The following ERBB4 variants were observed in gnomAD, a reference collection of about 807,000 sequenced individuals.
The protein encoded by ERBB4 is erb-b2 receptor tyrosine kinase 4.
Under a neutral mutation model 158.0 loss-of-function variants are expected in ERBB4, and 42 were observed. That is an observed-to-expected ratio of 0.27 (90% CI 0.21 to 0.34). ERBB4 has a LOEUF of 0.34. ERBB4 is among the 10% of genes least tolerant of loss of function. ERBB4 has a pLI of 1.00. For missense variants in ERBB4, 1,333 were observed against 1,624.1 expected (o/e 0.82, Z 3.08); for synonymous variants, 583 against 558.7 (o/e 1.04, Z -0.61).
At chr2:212,400,821 T>TATA (rs2091180966) in intron 1 of ERBB4, among the ~76,000 whole-genome samples, 1 of 152,176 alleles carries the variant, frequency 6.6e-6, no homozygotes, top group Non-Finnish European at 1.5e-5. Flanking sequence ...AATAAAAAGA[T>TATA]ATAACTCTTG....
intron 16 of ERBB4, among the ~76,000 whole-genome samples, chr2:211,651,159 G>A (rs1422191504): frequency 6.6e-6 from 1 of 152,178 alleles, no homozygotes; most frequent in Admixed American, 6.5e-5. Context: ...GTATATAAAT[G>A]TACAAAGAGA....
At chr2:211,893,098 C>A (rs1172370952) in intron 3 of ERBB4, among the ~76,000 whole-genome samples, 2 of 146,122 alleles carry the variant, frequency 1.4e-5, no homozygotes, top group African/African-American at 5.3e-5. Flanking sequence ...GCCCGCATCG[C>A]CAAGTCAATC....
At chr2:211,386,029 A>G (rs1282424410) in intron 27 of ERBB4, among the ~76,000 whole-genome samples, 1 of 152,220 alleles carries the variant, frequency 6.6e-6, no homozygotes, top group Non-Finnish European at 1.5e-5. Context: ...AAAGGAGAGA[A>G]CATAACCATA....
At chr2:212,052,098 G>T (rs2077415205) in intron 2 of ERBB4, among the ~76,000 whole-genome samples, 2 of 152,144 alleles carry the variant, frequency 1.3e-5, no homozygotes, top group Non-Finnish European at 2.9e-5. Context: ...CTGCAATCTG[G>T]GTAGGCACCA....
In ERBB4 at chr2:212,318,846, T is replaced by C. The variant is rs530753069; in HGVS notation, c.83-193943A>G. Reference sequence around the variant, plus strand: ...CGGTCTTCTTACCTACAACAGCACATAATGAAGGAGACAGAGAAGGTGAAA... The same window carrying C: ...CGGTCTTCTTACCTACAACAGCACACAATGAAGGAGACAGAGAAGGTGAAA... On this transcript the variant is annotated intron_variant, in intron 1 of 27. Transcript: ENST00000342788. Among the ~76,000 whole-genome samples, 158 of 151,698 alleles carry C rather than the reference T, an allele frequency of 1.0e-3. 2 individuals are homozygous for C. The highest frequency in any genetic ancestry group is 3.9e-4 in the East Asian group (2 of 5,116).
intron 16 of ERBB4, among the ~76,000 whole-genome samples, chr2:211,647,527 T>C (rs537272720): frequency 9.2e-5 from 14 of 151,674 alleles, no homozygotes; most frequent in Admixed American, 9.2e-4. Flanking sequence ...CTGTGAGAAA[T>C]CTCAGTTAAT....
chr2:212,078,541 T>C (rs1189328117), intron 2 of ERBB4, among the ~76,000 whole-genome samples: 2 of 151,952 alleles, frequency 1.3e-5, no homozygotes, highest in African/African-American at 4.8e-5. Flanking sequence ...GGAAGGAAGG[T>C]CAGCAAGCAT....
intron 22 of ERBB4, 101 bp from the exon 23 acceptor site, chr2:211,424,402 C>CAAACACCAATCAATTAAAAAA (rs1358682707): frequency 1.5e-5 from 11 of 749,920 alleles, no homozygotes; most frequent in East Asian, 1.3e-4. Flanking sequence ...CAGGTCAATC[C>CAAACACCAATCAATTAAAAAA]AAACACCAAT....
At chr2:212,022,656 G>T (rs1047149700) in intron 2 of ERBB4, among the ~76,000 whole-genome samples, 3 of 151,924 alleles carry the variant, frequency 2.0e-5, no homozygotes, top group Non-Finnish European at 4.4e-5. Flanking sequence ...TAACAAACCT[G>T]CACATCCTGC....
intron 5 of ERBB4, among the ~76,000 whole-genome samples, chr2:211,730,659 T>G (rs188852768): frequency 1.0e-3 from 159 of 152,186 alleles, no homozygotes; most frequent in Admixed American, 7.7e-3. Flanking sequence ...TAAGCCCATT[T>G]CTATTAAGCT....
At chr2:211,735,222 T>A (rs899257681) in intron 5 of ERBB4, among the ~76,000 whole-genome samples, 47 of 150,428 alleles carry the variant, frequency 3.1e-4, no homozygotes, top group East Asian at 1.2e-3. Flanking sequence ...CACATGAATT[T>A]AAAAAAAAAA....
At chr2:212,481,387 C>G (rs1374534123) in intron 1 of ERBB4, among the ~76,000 whole-genome samples, 1 of 151,922 alleles carries the variant, frequency 6.6e-6, no homozygotes, top group Non-Finnish European at 1.5e-5. Flanking sequence ...AATTTTATAC[C>G]AAAGGATAAA....
chr2:211,497,057 T>G (rs2125583476), intron 20 of ERBB4, among the ~76,000 whole-genome samples: 1 of 152,260 alleles, frequency 6.6e-6, no homozygotes, highest in South Asian at 2.1e-4. Flanking sequence ...ATAGTCCTGG[T>G]ATAGTAGGCA....
chr2:212,116,926 G>GA (rs1045299664), intron 2 of ERBB4, among the ~76,000 whole-genome samples: 8 of 150,796 alleles, frequency 5.3e-5, no homozygotes, highest in Non-Finnish European at 1.0e-4. Context: ...TAACCTCTGA[G>GA]AAAAAAAAAT....
chr2:212,316,055 G>A (rs929709769), intron 1 of ERBB4, among the ~76,000 whole-genome samples: 1 of 151,434 alleles, frequency 6.6e-6, no homozygotes, highest in Non-Finnish European at 1.5e-5. Flanking sequence ...AAATAACTAT[G>A]TGAGTGACCA....
intron 1 of ERBB4, among the ~76,000 whole-genome samples, chr2:212,286,570 A>C (rs1052262165): frequency 2.7e-5 from 4 of 148,466 alleles, no homozygotes; most frequent in African/African-American, 1.0e-4. Flanking sequence ...TTCAGATTAA[A>C]TGAGATGATT....
chr2:212,535,591 AC>A (rs936553686), intron 1 of ERBB4, among the ~76,000 whole-genome samples: 2 of 152,198 alleles, frequency 1.3e-5, no homozygotes, highest in African/African-American at 4.8e-5. Context: ...TTTCTTCAAT[AC>A]CAAGGCAATA....
At chr2:211,526,697 C>T (rs1311615472) in intron 20 of ERBB4, among the ~76,000 whole-genome samples, 1 of 151,964 alleles carries the variant, frequency 6.6e-6, no homozygotes, top group Non-Finnish European at 1.5e-5. Context: ...TTCAAGGCAA[C>T]ACAGAGAAGG....
At chr2:211,885,283 C>T (rs2078768761) in intron 3 of ERBB4, among the ~76,000 whole-genome samples, 1 of 152,066 alleles carries the variant, frequency 6.6e-6, no homozygotes, top group Admixed American at 6.6e-5. Context: ...AACATTTCTT[C>T]TCCTAGGCCT....
Sources: gnomAD v4.1 joint callset for allele counts (sites outside exome capture counted in the v4.1 genomes callset) on GRCh38, gnomAD v4.1.1 for gene constraint, MANE v1.5 for transcripts, NCBI Gene and HGNC (gene_info 2026-07-23, HGNC 2026-07-21) for gene names.